The following ZNF91 variants were observed in gnomAD, a reference collection of about 807,000 sequenced individuals.
ZNF91 encodes zinc finger protein 91 (HPF7, HTF10).
Under a neutral mutation model 12.6 loss-of-function variants are expected in ZNF91, and 7 were observed. That is an observed-to-expected ratio of 0.55 (90% CI 0.31 to 1.04). ZNF91 has a LOEUF of 1.04. ZNF91 is among the 50% of genes least tolerant of loss of function. The pLI is 0.05. For synonymous variants in ZNF91, 453 were observed against 462.6 expected (o/e 0.98, Z 0.27); for missense variants, 1,217 against 1,385.4 (o/e 0.88, Z 1.93).
chr19:23,393,364 C>T (rs1210676117), intron 1 of ZNF91, among the ~76,000 whole-genome samples: 1 of 152,150 alleles, frequency 6.6e-6, no homozygotes, highest in Non-Finnish European at 1.5e-5. Flanking sequence ...CTCAGGTTGT[C>T]CTATGAGAGA....
intron 3 of ZNF91, among the ~76,000 whole-genome samples, chr19:23,365,510 T>C (rs1054805669): frequency 1.3e-5 from 2 of 151,344 alleles, no homozygotes; most frequent in South Asian, 2.1e-4. Flanking sequence ...GACAGTATCA[T>C]AAAACCATAT....
intron 1 of ZNF91, among the ~76,000 whole-genome samples, chr19:23,376,846 T>C (rs1274702879): frequency 2.0e-5 from 3 of 152,178 alleles, no homozygotes; most frequent in African/African-American, 7.2e-5. Flanking sequence ...AAAAAAGCCA[T>C]TTTTTCTCTT....
chr19:23,369,606 C>T (rs530732082), intron 3 of ZNF91, among the ~76,000 whole-genome samples: 101 of 152,178 alleles, frequency 6.6e-4, no homozygotes, highest in South Asian at 1.7e-3. Flanking sequence ...CAGATTGTTG[C>T]TGTGTCTGTG....
downstream of ZNF91, among the ~76,000 whole-genome samples, chr19:23,335,897 G>A (rs1054415734): frequency 2.6e-5 from 4 of 152,132 alleles, no homozygotes; most frequent in African/African-American, 7.2e-5. Flanking sequence ...TGTCTTCTGC[G>A]TCACTCATGC....
chr19:23,368,193 C>T (rs1599733836), intron 3 of ZNF91, among the ~76,000 whole-genome samples: 3 of 152,040 alleles, frequency 2.0e-5, no homozygotes, highest in Non-Finnish European at 4.4e-5. Context: ...GAGGCCCAGC[C>T]GCATAAATTT....
downstream of ZNF91, among the ~76,000 whole-genome samples, chr19:23,354,445 T>C (rs8110567): frequency 0.19 from 28,625 of 152,080 alleles, 2,916 homozygotes; most frequent in Non-Finnish European, 0.21. Context: ...CTCAGCAAAG[T>C]TGGCATACAA....
chr19:23,312,118 A>T (rs2145844247), upstream of ZNF91, among the ~76,000 whole-genome samples: 1 of 151,832 alleles, frequency 6.6e-6, no homozygotes, highest in East Asian at 2.0e-4. Context: ...GCTGGTCCCT[A>T]CTCTCAGGAA....
At position 23,349,102 on chromosome 19, in the gene ZNF91, G is replaced by A. The variant is rs557943418; in HGVS notation, c.254-10048C>T. 5.9e-5 allele frequency among the ~76,000 whole-genome samples: 9 copies of A among 152,238 alleles called. No individual in the cohort carries two copies. The South Asian group carries it at 6.2e-4, about 11-fold the overall frequency. ...TTTATCAAGACAATGTGTGCCTAGC[G>A]GGACATGGACACTCATTGGTAATTC... is the stretch of plus-strand genomic sequence containing the variant. On this transcript the variant is annotated intron_variant, in intron 3 of 3. Coordinates refer to the ZNF91 transcript ENST00000599743.
rs765343028 is a variant in ZNF91, at chr19:23,361,402, G to A, written c.1577C>T (p.Ala526Val). The change falls in exon 4 of 4, where the codon GCT becomes GTT. Residue 526 changes from alanine to valine, a missense_variant. By Grantham distance (64) the Ala-to-Val change is moderately conservative. This residue lies in a region of ZNF91 where 726 missense variants were observed against 895.5 expected (regional missense o/e 0.81). Transcript: ENST00000300619. Reference sequence around the variant, plus strand: ...ATTAAGGGTTAAGGATTGTCTAAAAGCTTTGCCACATTCTTCAAATTTGTA... The same window carrying A: ...ATTAAGGGTTAAGGATTGTCTAAAAACTTTGCCACATTCTTCAAATTTGTA... ...KPYKFEECGKAFRQSLTLNKH... is the reference protein window; with the variant it reads ...KPYKFEECGKVFRQSLTLNKH... The A allele has an allele frequency of 3.2e-5, 51 of 1,613,456 alleles. No homozygotes were observed. Among genetic ancestry groups the A allele is most frequent in the Non-Finnish European group, 4.2e-5 (49 of 1,179,790 alleles).
chr19:23,373,387 A>ATATATAT lies in ZNF91; in HGVS notation c.253+354_253+355insATATATA, dbSNP rs1568395319. The stretch of plus-strand genomic sequence containing the variant: ...ATATATATATATATATATATATATA[A>ATATATAT]ATAAACAGTACTTTAAAACCTGTTT... On this transcript the variant is annotated intron_variant, in intron 3 of 3. Coordinates refer to ENST00000300619, the MANE Select transcript of ZNF91 (RefSeq NM_003430.4). 4.2e-3 allele frequency among the ~76,000 whole-genome samples: 331 copies of ATATATAT among 77,986 alleles called. 10 individuals carry two copies. Among genetic ancestry groups the ATATATAT allele is most frequent in the Middle Eastern group, 0.025 (3 of 122 alleles). The allele number at this position is 77,986 out of a possible 152,430, so 51.2% of individuals were successfully genotyped here.
chr19:23,306,511 G>A (rs1967401477), intron 3 of ZNF91, among the ~76,000 whole-genome samples: 1 of 152,064 alleles, frequency 6.6e-6, no homozygotes, highest in Non-Finnish European at 1.5e-5. Flanking sequence ...CTTTGTCGCT[G>A]CCCACAGGGG....
In ZNF91 at chr19:23,360,939, A is replaced by G; in HGVS notation, c.2040T>C (p.His680=). ...TACATTTGTAGGGTTTCTCTTCAGTATGAGTTATCTTATGATTAGCAAGGG... is the reference window on the plus strand; with the variant it reads ...TACATTTGTAGGGTTTCTCTTCAGTGTGAGTTATCTTATGATTAGCAAGGG... ...SSTLANHKIT[H]TEEKPYKCKE... The change falls in exon 4 of 4, where the codon CAT becomes CAC. Residue 680 remains histidine, a synonymous_variant. Coordinates refer to ENST00000300619, the MANE Select transcript of ZNF91 (RefSeq NM_003430.4). 4.3e-6 allele frequency: 7 copies of G among 1,613,692 alleles called. No individual in the cohort carries two copies. Among genetic ancestry groups the G allele is most frequent in the East Asian group, 2.2e-5 (1 of 44,798 alleles).
chr19:23,344,758 G>C (rs1375069277), intron 3 of ZNF91, among the ~76,000 whole-genome samples: 2 of 152,156 alleles, frequency 1.3e-5, no homozygotes, highest in Non-Finnish European at 1.5e-5. Context: ...AAACTTAAGG[G>C]AATGAATAAC....
chr19:23,311,188 G>C (rs749343492), upstream of ZNF91, among the ~76,000 whole-genome samples: 3 of 152,002 alleles, frequency 2.0e-5, no homozygotes, highest in Non-Finnish European at 4.4e-5. Context: ...GTGACATATT[G>C]CTGGACCAAG....
intron 3 of ZNF91, among the ~76,000 whole-genome samples, chr19:23,371,088 C>T (rs1242103580): frequency 1.3e-5 from 2 of 152,060 alleles, no homozygotes; most frequent in African/African-American, 2.4e-5. Flanking sequence ...CACCTGTAAT[C>T]CCAGCACTTT....
Position 23,361,044 on chromosome 19 carries a change from A to T in ZNF91, c.1935T>A (p.Leu645=), listed in dbSNP as rs376689201. ...CAGTATGAATTCTCTTATGTTTAGC[A>T]AGGGCTGAAGAATGGCTAAAAGCTT... The part of the protein sequence containing the change: ...CGKAFSHSSA[L]AKHKRIHTGE... Residue 645 remains leucine, a synonymous_variant, in exon 4 of 4, where the codon CTT becomes CTA. Coordinates refer to ENST00000300619, the MANE Select transcript of ZNF91 (RefSeq NM_003430.4). The T allele has an allele frequency of 4.4e-6, 7 of 1,603,584 alleles. No individual in the cohort carries two copies. Among genetic ancestry groups the T allele is most frequent in the African/African-American group, 4.0e-5 (3 of 74,432 alleles).
At chr19:23,374,849 A>C (rs979689325) in intron 1 of ZNF91, 85 bp from the exon 2 acceptor site, 14 of 1,572,282 alleles carry the variant, frequency 8.9e-6, no homozygotes, top group Admixed American at 1.8e-5. Flanking sequence ...TCAGAAAGTG[A>C]CTAGAACTGG....
chr19:23,330,415 T>C (rs1255799105), intron 1 of ZNF91, among the ~76,000 whole-genome samples: 1 of 152,108 alleles, frequency 6.6e-6, no homozygotes, highest in Non-Finnish European at 1.5e-5. Flanking sequence ...GGGTAATGCT[T>C]GTCTCTGATG....
At chr19:23,339,053 G>C (rs555517797) in exon 4 of ZNF91, 1 of 137,444 alleles carries the variant, frequency 7.3e-6, no homozygotes, top group Non-Finnish European at 1.6e-5. Context: ...GCAAGACTCC[G>C]TCTCAAAAAA....
Sources: allele counts gnomAD v4.1 joint callset (sites outside exome capture counted in the v4.1 genomes callset), GRCh38; gene constraint gnomAD v4.1.1; regional missense constraint gnomAD v4.1.1; transcripts MANE v1.5; gene names NCBI Gene and HGNC (gene_info 2026-07-23, HGNC 2026-07-21).